The following RUNX2 variants were observed in gnomAD, a reference collection of about 807,000 sequenced individuals.
RUNX2 encodes RUNX family transcription factor 2, also known as runt-related transcription factor 2.
RUNX2 carries 10 observed loss-of-function variants against 51.7 expected under a neutral mutation model. The observed-to-expected ratio is 0.19, with a 90% CI of 0.12 to 0.33. The LOEUF is 0.33. Among genes scored for constraint, RUNX2 ranks in the 10% least tolerant of loss-of-function variants. The pLI, the probability that RUNX2 is intolerant of heterozygous loss-of-function variation, is 1.00. For synonymous variants in RUNX2, 276 were observed against 273.6 expected, an observed-to-expected ratio of 1.01 and a Z score of -0.09; for missense variants, 562 against 691.3, an observed-to-expected ratio of 0.81 and a Z score of 2.10.
intron 5 of RUNX2, among the ~76,000 whole-genome samples, chr6:45,469,614 C>T (rs1799738956): frequency 6.6e-6 from 1 of 152,166 alleles, no homozygotes; most frequent in African/African-American, 2.4e-5. Flanking sequence ...CTTTTTCATT[C>T]AATTCTGAAA....
chr6:45,463,946 C>A (rs1019644457), intron 5 of RUNX2, among the ~76,000 whole-genome samples: 2 of 152,178 alleles, frequency 1.3e-5, no homozygotes, highest in Admixed American at 6.5e-5. Context: ...GTAATCCCAG[C>A]ACATTGGGAG....
rs1444632909 is a variant in RUNX2 at position 45,549,250 on chromosome 6, C to A, written c.*1945C>A. ...CCTTCATTGGAATCCTCCACCCACC[C>A]AAGCAGAATTTAGCAGAGATTTGCC... On this transcript the variant is annotated 3_prime_UTR_variant, in exon 9 of 9. Transcript: ENST00000647337. The A allele has an allele frequency of 1.3e-5, 5 of 398,402 alleles. No individual in the cohort carries two copies. Among genetic ancestry groups the A allele is most frequent in the Non-Finnish European group, 2.2e-5 (5 of 226,096 alleles). The allele number at this position is 398,402 out of a possible 1,614,324, so 24.7% of individuals were successfully genotyped here. A position where few individuals can be genotyped will look rare whatever the true frequency, so the allele number is the denominator to read the frequency against.
intron 5 of RUNX2, among the ~76,000 whole-genome samples, chr6:45,452,683 C>G (rs765082104): frequency 6.6e-6 from 1 of 152,064 alleles, no homozygotes; most frequent in Non-Finnish European, 1.5e-5. Flanking sequence ...CACATGCACA[C>G]GAGCACAGTG....
chr6:45,483,230 A>G lies in RUNX2; in HGVS notation c.686-8711A>G, dbSNP rs541005871. Among the ~76,000 whole-genome samples the G allele has an allele frequency of 3.3e-5, 5 of 152,302 alleles. No homozygotes were observed. In the East Asian group the frequency reaches 5.8e-4, roughly 18 times the overall value. ...AGCCCATTTCATTATTCTAGTCCAG[A>G]AATAGTTTCTGACCTGAATCAGACA... On this transcript the variant is annotated intron_variant, in intron 5 of 8. Coordinates refer to ENST00000647337, the MANE Select transcript of RUNX2 (RefSeq NM_001024630.4).
intron 2 of RUNX2, among the ~76,000 whole-genome samples, chr6:45,413,391 A>G (rs1323845912): frequency 6.6e-6 from 1 of 151,244 alleles, no homozygotes; most frequent in African/African-American, 2.4e-5. Context: ...ATCTGCTATC[A>G]ATACTTCAAG....
chr6:45,435,072 T>C (rs1263583877), intron 4 of RUNX2, among the ~76,000 whole-genome samples: 1 of 152,214 alleles, frequency 6.6e-6, no homozygotes, highest in Non-Finnish European at 1.5e-5. Context: ...TCTTGATCCT[T>C]AGGGTCTGAT....
chr6:45,355,379 T>TA (rs1456034055), intron 2 of RUNX2, among the ~76,000 whole-genome samples: 1 of 152,060 alleles, frequency 6.6e-6, no homozygotes, highest in Non-Finnish European at 1.5e-5. Context: ...TGAGGAAGTA[T>TA]AAAAAATACT....
intron 5 of RUNX2, among the ~76,000 whole-genome samples, chr6:45,473,413 GT>G (rs1799863300): frequency 6.6e-6 from 1 of 152,154 alleles, no homozygotes; most frequent in Non-Finnish European, 1.5e-5. Context: ...ATAATAAGTT[GT>G]TACTTAACTT....
chr6:45,404,506 A>G (rs1163028430), intron 2 of RUNX2, among the ~76,000 whole-genome samples: 1 of 152,044 alleles, frequency 6.6e-6, no homozygotes, highest in Admixed American at 6.5e-5. Flanking sequence ...AGCTTTCTGC[A>G]CCTTTCCCTT....
At chr6:45,347,902 G>A (rs973809293) in intron 2 of RUNX2, among the ~76,000 whole-genome samples, 6 of 152,030 alleles carry the variant, frequency 3.9e-5, no homozygotes, top group Non-Finnish European at 8.8e-5. Context: ...TGTCAGTATG[G>A]TTACCTGTGA....
chr6:45,492,447 C>A (rs1411975227), intron 6 of RUNX2, among the ~76,000 whole-genome samples: 1 of 152,082 alleles, frequency 6.6e-6, no homozygotes, highest in African/African-American at 2.4e-5. Context: ...TAACATCACA[C>A]CCTTACTATT....
At chr6:45,377,195 T>C (rs889862892) in intron 2 of RUNX2, 3 of 152,152 alleles carry the variant, frequency 2.0e-5, no homozygotes, top group African/African-American at 7.2e-5. Flanking sequence ...TTAACGTGTA[T>C]TTTCTCATAT....
chr6:45,467,380 C>T (rs896879447), intron 5 of RUNX2, among the ~76,000 whole-genome samples: 2 of 152,160 alleles, frequency 1.3e-5, no homozygotes, highest in South Asian at 2.1e-4. Flanking sequence ...CTCCCGGGTT[C>T]AAGCGATTCA....
intron 2 of RUNX2, among the ~76,000 whole-genome samples, chr6:45,405,287 C>G (rs1396229442): frequency 1.3e-5 from 2 of 152,230 alleles, no homozygotes; most frequent in African/African-American, 4.8e-5. Flanking sequence ...CAAATATCAT[C>G]TCTTCATTTA....
intron 2 of RUNX2, among the ~76,000 whole-genome samples, chr6:45,409,570 G>A (rs996846413): frequency 6.6e-6 from 1 of 152,154 alleles, no homozygotes; most frequent in Admixed American, 6.5e-5. Context: ...CAACCTTAAT[G>A]CCAAACTATT....
At chr6:45,457,982 A>T (rs1206443581) in intron 5 of RUNX2, among the ~76,000 whole-genome samples, 2 of 151,404 alleles carry the variant, frequency 1.3e-5, no homozygotes, top group African/African-American at 4.9e-5. Context: ...GACAGTCTAT[A>T]TGGGATCTAA....
chr6:45,503,937 A>G (rs894144170), intron 6 of RUNX2, among the ~76,000 whole-genome samples: 1 of 152,122 alleles, frequency 6.6e-6, no homozygotes, highest in African/African-American at 2.4e-5. Flanking sequence ...TAAGTTTACT[A>G]ATTCTCTCTT....
intron 2 of RUNX2, among the ~76,000 whole-genome samples, chr6:45,407,206 C>T (rs1212848086): frequency 2.0e-5 from 3 of 151,948 alleles, no homozygotes; most frequent in Admixed American, 6.6e-5. Context: ...CGGGCTCAAG[C>T]GATCCTCCCA....
At chr6:45,362,505 ATT>A (rs1794438411) in intron 2 of RUNX2, among the ~76,000 whole-genome samples, 1 of 152,238 alleles carries the variant, frequency 6.6e-6, no homozygotes, top group Non-Finnish European at 1.5e-5. Flanking sequence ...TTAAATGTAT[ATT>A]GAGTCTAATT....
Sources: allele counts gnomAD v4.1 joint callset (sites outside exome capture counted in the v4.1 genomes callset), GRCh38; gene constraint gnomAD v4.1.1; transcripts MANE v1.5; gene names NCBI Gene and HGNC (gene_info 2026-07-23, HGNC 2026-07-21).